The following DGKG variants were observed in gnomAD, a reference collection of about 807,000 sequenced individuals.
DGKG encodes DAG kinase gamma.
DGKG carries 78 observed loss-of-function variants against 105.3 expected under a neutral mutation model. The ratio of observed to expected loss-of-function variants is 0.74; its 90% CI spans 0.62 to 0.89. The LOEUF is 0.89. Ranked by LOEUF, DGKG falls within the 40% of genes least tolerant of loss-of-function variation. The probability of loss-of-function intolerance (pLI) is 0.00; values close to 1 mark genes in which losing one functional copy is unlikely to be tolerated. For missense variants in DGKG, 958 were observed against 1,020.1 expected (o/e 0.94, Z 0.83); for synonymous variants, 346 against 367.1 (o/e 0.94, Z 0.66).
chr3:186,244,930 A>G (rs2108555292), intron 19 of DGKG, among the ~76,000 whole-genome samples: 1 of 152,166 alleles, frequency 6.6e-6, no homozygotes, highest in South Asian at 2.1e-4. Flanking sequence ...TTCATGTGAC[A>G]TTTGTCAAAT....
At chr3:186,322,533 A>G (rs1403269058) in intron 1 of DGKG, among the ~76,000 whole-genome samples, 2 of 152,114 alleles carry the variant, frequency 1.3e-5, no homozygotes, top group Non-Finnish European at 2.9e-5. Flanking sequence ...GTGACATGTG[A>G]TTTACCCATA....
chr3:186,161,547 A>C (rs1346637204), intron 24 of DGKG, 56 bp downstream of exon 24: 1 of 1,613,126 alleles, frequency 6.2e-7, no homozygotes, highest in Non-Finnish European at 8.5e-7. Flanking sequence ...GTCAGTGCCC[A>C]AAAGGGCTCA....
At chr3:186,222,525 G>C (rs1311099016) in intron 20 of DGKG, among the ~76,000 whole-genome samples, 3 of 152,142 alleles carry the variant, frequency 2.0e-5, no homozygotes, top group African/African-American at 7.2e-5. Context: ...ACCTTGCAGG[G>C]GTTGCTGGCA....
chr3:186,284,757 G>C lies in DGKG; in HGVS notation c.545-48C>G. ...CCTTGAGGTGTCCTCTAAGAAGCGC[G>C]GATGGCTGAAGTTTTGATGCTGCCA... On this transcript the variant is annotated intron_variant, in intron 6 of 24. Transcript: ENST00000265022. This position sits in a 1 kb window ranked among gnomAD's most constrained non-coding sequence, Gnocchi z 4.0. The C allele has an allele frequency of 1.3e-6, 2 of 1,531,830 alleles. No homozygotes were observed. Among genetic ancestry groups the C allele is most frequent in the South Asian group, 1.1e-5 (1 of 89,242 alleles). The allele number at this position is 1,531,830 out of a possible 1,614,324, so 94.9% of individuals were successfully genotyped here.
In DGKG at chr3:186,186,096, C is replaced by CAAA. The variant is rs3049465; in HGVS notation, c.2095+2103_2095+2105dup. Among the ~76,000 whole-genome samples the CAAA allele has an allele frequency of 6.2e-3, 465 of 74,832 alleles. 18 individuals carry two copies. The highest frequency in any genetic ancestry group is 0.023 in the Middle Eastern group (3 of 130). 49.1% of individuals were successfully genotyped at this position (74,832 alleles called of 152,430 possible). ...TGGGTGACAGAGTGAGACTCTGCCT[C>CAAA]AAAAAAAAAAAAAAAAAAAAAGAGG... On this transcript the variant is annotated intron_variant, in intron 22 of 24. Transcript: ENST00000265022.
At chr3:186,304,510 C>A (rs780174975) in intron 3 of DGKG, among the ~76,000 whole-genome samples, 1 of 152,100 alleles carries the variant, frequency 6.6e-6, no homozygotes, top group Non-Finnish European at 1.5e-5. Flanking sequence ...TGGATGACAA[C>A]GTGAATAAGA....
intron 20 of DGKG, among the ~76,000 whole-genome samples, chr3:186,225,764 C>G (rs1719830187): frequency 1.3e-5 from 2 of 152,098 alleles, no homozygotes; most frequent in African/African-American, 2.4e-5. Flanking sequence ...GGATTTGTGA[C>G]CCCTCATATA....
chr3:186,204,250 A>G (rs1215124527), intron 21 of DGKG, among the ~76,000 whole-genome samples: 3 of 152,136 alleles, frequency 2.0e-5, no homozygotes, highest in African/African-American at 7.2e-5. Context: ...CTCTACAAAT[A>G]CAAACATTAG....
Position 186,284,693 on chromosome 3 carries a change from A to T in DGKG, c.561T>A (p.Tyr187Ter). ...CCAGGAGACCGTTCTCATCTGAATCATAGAGGCGAAACATGACTGTAAGAA... is the reference window on the plus strand; with the variant it reads ...CCAGGAGACCGTTCTCATCTGAATCTTAGAGGCGAAACATGACTGTAAGAA... ...QDKLEFMFRL[Y>*]DSDENGLLDQ... The change falls in exon 7 of 25, where the codon TAT (tyrosine) becomes TAA (stop). Residue 187 changes from tyrosine to a stop codon, truncating the protein, a stop_gained. Transcript: ENST00000265022. LOFTEE classifies it high-confidence loss of function. This position sits in a 1 kb window ranked among gnomAD's most constrained non-coding sequence, Gnocchi z 4.0. 1.2e-6 allele frequency: 2 copies of T among 1,613,938 alleles called. No individual in the cohort carries two copies. The highest frequency in any genetic ancestry group is 1.7e-6 in the Non-Finnish European group (2 of 1,179,836).
chr3:186,215,484 G>C (rs1054254981), intron 20 of DGKG, among the ~76,000 whole-genome samples: 1 of 152,060 alleles, frequency 6.6e-6, no homozygotes, highest in Non-Finnish European at 1.5e-5. Context: ...GGGGGATGGG[G>C]TGATGGTAGT....
intron 20 of DGKG, among the ~76,000 whole-genome samples, chr3:186,235,773 T>C (rs1481039956): frequency 5.3e-5 from 8 of 152,120 alleles, no homozygotes; most frequent in African/African-American, 1.4e-4. Flanking sequence ...AGGTCAGGGT[T>C]GGGGAGAGGT....
intron 1 of DGKG, among the ~76,000 whole-genome samples, chr3:186,360,843 C>T (rs990716828): frequency 6.6e-6 from 1 of 152,230 alleles, no homozygotes; most frequent in South Asian, 2.1e-4. Flanking sequence ...CCTCCAGATC[C>T]AAAGTGTCGT....
chr3:186,354,624 G>C (rs1195367836), intron 1 of DGKG, among the ~76,000 whole-genome samples: 3 of 152,202 alleles, frequency 2.0e-5, no homozygotes, highest in Non-Finnish European at 1.5e-5. Flanking sequence ...CTTGGAAAAT[G>C]AGAGCTCTTA....
Position 186,201,279 on chromosome 3 carries a change from C to T in DGKG, c.1917+10516G>A, listed in dbSNP as rs550779099. On this transcript the variant is annotated intron_variant, in intron 21 of 24. Coordinates refer to ENST00000265022, the MANE Select transcript of DGKG (RefSeq NM_001346.3). ...GTGGATGGGGCTTTTTGAGGGATCA[C>T]ACTTTCCTGCAGACAAAGCAGGGCC... Among the ~76,000 whole-genome samples the T allele has an allele frequency of 5.9e-5, 9 of 152,096 alleles. No individual in the cohort carries two copies. The South Asian group carries it at 1.9e-3, about 32-fold the overall frequency.
At chr3:186,230,338 C>A (rs1463007900) in intron 20 of DGKG, among the ~76,000 whole-genome samples, 2 of 152,126 alleles carry the variant, frequency 1.3e-5, no homozygotes, top group African/African-American at 2.4e-5. Flanking sequence ...AAGTGGAGTA[C>A]CAAATGGGTT....
At chr3:186,279,631 G>C in intron 9 of DGKG, 1 of 441,502 alleles carries the variant, frequency 2.3e-6, no homozygotes, top group Middle Eastern at 5.8e-4. Flanking sequence ...ATGCAGAACA[G>C]TATTTTTAAA....
intron 16 of DGKG, among the ~76,000 whole-genome samples, chr3:186,259,391 A>G (rs1054920576): frequency 6.6e-6 from 1 of 152,188 alleles, no homozygotes; most frequent in Non-Finnish European, 1.5e-5. Flanking sequence ...TGTGATGGCA[A>G]CTGCAGTGGT....
intron 20 of DGKG, among the ~76,000 whole-genome samples, chr3:186,229,632 C>T (rs1347810636): frequency 6.6e-6 from 1 of 152,174 alleles, no homozygotes; most frequent in Non-Finnish European, 1.5e-5. Flanking sequence ...CAGCCCAGGA[C>T]ACTGATATAG....
intron 17 of DGKG, among the ~76,000 whole-genome samples, chr3:186,253,681 T>C (rs2108565042): frequency 6.6e-6 from 1 of 152,290 alleles, no homozygotes; most frequent in Admixed American, 6.5e-5. Flanking sequence ...CTAGGCCTGG[T>C]CAATACTTGA....
Sources: gnomAD v4.1 joint callset for allele counts (sites outside exome capture counted in the v4.1 genomes callset) on GRCh38, gnomAD v4.1.1 for gene constraint, Gnocchi (gnomAD v3.1) non-coding constraint, MANE v1.5 for transcripts, NCBI Gene and HGNC (gene_info 2026-07-23, HGNC 2026-07-21) for gene names.